The following PEPD variants were observed in gnomAD, a reference collection of about 807,000 sequenced individuals.
PEPD encodes xaa-Pro dipeptidase.
Under a neutral mutation model 60.7 loss-of-function variants are expected in PEPD, and 53 were observed. The observed-to-expected ratio is 0.87, with a 90% CI of 0.70 to 1.10. The LOEUF (loss-of-function observed/expected upper bound fraction) is 1.10. Ranked by LOEUF, PEPD falls within the 50% of genes least tolerant of loss-of-function variation. PEPD has a pLI of 0.00. For synonymous variants in PEPD, 267 were observed against 284.1 expected, an observed-to-expected ratio of 0.94 and a Z score of 0.60; for missense variants, 711 against 711.9, an observed-to-expected ratio of 1.00 and a Z score of 0.01.
Position 33,387,953 on chromosome 19 carries a change from C to T in PEPD, c.1281G>A (p.Ala427=), listed in dbSNP as rs183038027. 5.8e-5 allele frequency: 92 copies of T among 1,597,518 alleles called. No individual in the cohort carries two copies. The highest frequency in any genetic ancestry group is 8.0e-5 in the African/African-American group (6 of 74,898). Residue 427 remains alanine, a synonymous_variant, in exon 14 of 15, where the codon GCG becomes GCA. Coordinates refer to ENST00000244137, the MANE Select transcript of PEPD (RefSeq NM_000285.4). ...FIDHLLDEAL[A]DPARASFLNR... is the part of the protein sequence containing the mutation. ...TAAGGAAGGAGGCGCGGGCCGGGTCCGCCAGGGCCTCATCCAGGAGGTGGT... is the reference window on the plus strand; with the variant it reads ...TAAGGAAGGAGGCGCGGGCCGGGTCTGCCAGGGCCTCATCCAGGAGGTGGT...
At chr19:33,500,732 G>A (rs1600166480) in intron 4 of PEPD, among the ~76,000 whole-genome samples, 2 of 152,220 alleles carry the variant, frequency 1.3e-5, no homozygotes, top group East Asian at 1.9e-4. Context: ...GCCTTCCCAG[G>A]CAAAGCAATG....
chr19:33,511,343 G>GCA (rs1280745943), intron 2 of PEPD, 188 bp from the exon 3 acceptor site: 1 of 609,798 alleles, frequency 1.6e-6, no homozygotes, highest in Non-Finnish European at 3.0e-6. Context: ...TTGGCAGGGG[G>GCA]CAGCCTGGCA....
At chr19:33,444,813 GTC>G (rs1236106681) in intron 9 of PEPD, among the ~76,000 whole-genome samples, 1 of 151,998 alleles carries the variant, frequency 6.6e-6, no homozygotes, top group Admixed American at 6.6e-5. Context: ...CATCCACCAT[GTC>G]TCTCTCCACG....
chr19:33,411,869 C>T lies in PEPD; in HGVS notation c.741-120G>A, dbSNP rs139504001. ...ACTGTCCCCACCTCCAGCACAGGCC[C>T]AGGCGTGGCTGGACCAGGTCCACAG... is the stretch of plus-strand genomic sequence containing the variant. On this transcript the variant is annotated intron_variant, in intron 10 of 14. Transcript: ENST00000244137. The T allele has an allele frequency of 6.1e-4, 438 of 722,652 alleles. 1 individual carries two copies. Among genetic ancestry groups the T allele is most frequent in the African/African-American group, 5.1e-3 (296 of 57,504 alleles). The allele number at this position is 722,652 out of a possible 1,614,324, so 44.8% of individuals were successfully genotyped here. A position where few individuals can be genotyped will look rare whatever the true frequency, so the allele number is the denominator to read the frequency against.
At chr19:33,466,749 G>A (rs1277625413) in intron 7 of PEPD, among the ~76,000 whole-genome samples, 2 of 144,096 alleles carry the variant, frequency 1.4e-5, no homozygotes, top group Non-Finnish European at 3.0e-5. Context: ...TGTTGCTTTT[G>A]TACTAATGAA....
intron 11 of PEPD, among the ~76,000 whole-genome samples, chr19:33,402,732 ACAGG>A (rs1233619974): frequency 1.3e-5 from 2 of 152,190 alleles, no homozygotes; most frequent in Non-Finnish European, 2.9e-5. Flanking sequence ...CCAGCAGGAC[ACAGG>A]CAGGGGCGTG....
intron 5 of PEPD, among the ~76,000 whole-genome samples, chr19:33,491,668 G>A (rs1301898685): frequency 4.6e-5 from 7 of 152,126 alleles, no homozygotes; most frequent in South Asian, 2.1e-4. Flanking sequence ...CCCACATTCT[G>A]TATTTGTCCC....
At chr19:33,459,106 T>C (rs1269250627) in intron 9 of PEPD, among the ~76,000 whole-genome samples, 1 of 152,060 alleles carries the variant, frequency 6.6e-6, no homozygotes, top group Non-Finnish European at 1.5e-5. Context: ...GGCTGTCGCC[T>C]GTGGCAGGAG....
intron 3 of PEPD, among the ~76,000 whole-genome samples, chr19:33,509,883 G>T (rs1376138457): frequency 6.6e-6 from 1 of 152,234 alleles, no homozygotes; most frequent in Non-Finnish European, 1.5e-5. Context: ...ATGGAGGGTG[G>T]AGGAGGGTGC....
At chr19:33,408,065 G>A (rs1968675508) in intron 11 of PEPD, among the ~76,000 whole-genome samples, 1 of 152,238 alleles carries the variant, frequency 6.6e-6, no homozygotes, top group African/African-American at 2.4e-5. Flanking sequence ...GTGGCCAACA[G>A]TGGACTCAGC....
intron 11 of PEPD, among the ~76,000 whole-genome samples, chr19:33,404,852 G>A (rs1460408725): frequency 6.6e-6 from 1 of 152,082 alleles, no homozygotes; most frequent in Non-Finnish European, 1.5e-5. Flanking sequence ...ACACACATAA[G>A]TTATTCAGAT....
chr19:33,400,560 C>T (rs1005502484), intron 12 of PEPD, among the ~76,000 whole-genome samples: 6 of 152,212 alleles, frequency 3.9e-5, no homozygotes, highest in African/African-American at 1.4e-4. Context: ...TGGCAGCTGC[C>T]GAACAGATCT....
chr19:33,490,188 G>GC (rs1970472805), intron 5 of PEPD, 131 bp from the exon 6 acceptor site: 1 of 697,942 alleles, frequency 1.4e-6, no homozygotes, highest in African/African-American at 1.8e-5. Context: ...CAACAGATGA[G>GC]CCACCCAGCC....
chr19:33,411,552 G>GCCAAGA, intron 11 of PEPD, 120 bp downstream of exon 11: 1 of 711,336 alleles, frequency 1.4e-6, no homozygotes. Context: ...GAAGCCCAGG[G>GCCAAGA]ACTTGCTGTG....
chr19:33,432,446 C>T (rs1248341542), intron 9 of PEPD, among the ~76,000 whole-genome samples: 1 of 152,226 alleles, frequency 6.6e-6, no homozygotes, highest in Non-Finnish European at 1.5e-5. Context: ...AAAAGGAGCC[C>T]ACCCCACCCC....
chr19:33,391,516 C>T, intron 12 of PEPD, 37 bp from the exon 13 acceptor site: 3 of 1,534,860 alleles, frequency 2.0e-6, no homozygotes, highest in Non-Finnish European at 2.6e-6. Flanking sequence ...GCCACAGAGC[C>T]CAGCAGCCAA....
At chr19:33,481,120 C>T (rs1288480426) in intron 6 of PEPD, among the ~76,000 whole-genome samples, 1 of 151,950 alleles carries the variant, frequency 6.6e-6, no homozygotes, top group Non-Finnish European at 1.5e-5. Flanking sequence ...CGTATCAAAC[C>T]TTACAAAGGA....
At chr19:33,504,861 T>C (rs1426404129) in intron 3 of PEPD, among the ~76,000 whole-genome samples, 2 of 151,994 alleles carry the variant, frequency 1.3e-5, no homozygotes, top group African/African-American at 4.8e-5. Context: ...AAGGATAGCT[T>C]TGGGAGGAGA....
Position 33,512,761 on chromosome 19 carries a change from C to A in PEPD, c.33G>T (p.Leu11=). ...GCGGCACCTTCAGGGTTTCATTCCC[C>A]AGCCAAAACGAGGGTCTGCAGAGGC... MAAATGPSFW[L]GNETLKVPLA... is the part of the protein sequence containing the mutation. Residue 11 remains leucine (L), a synonymous_variant, in exon 2 of 15, where the codon CTG becomes CTT. Transcript: ENST00000244137. 1 of 1,614,076 alleles carries A rather than the reference C, an allele frequency of 6.2e-7. No homozygotes were observed. Among genetic ancestry groups the A allele is most frequent in the African/African-American group, 1.3e-5 (1 of 75,058 alleles).
Sources: gnomAD v4.1 joint callset for allele counts (sites outside exome capture counted in the v4.1 genomes callset) on GRCh38, gnomAD v4.1.1 for gene constraint, MANE v1.5 for transcripts, NCBI Gene and HGNC (gene_info 2026-07-23, HGNC 2026-07-21) for gene names.